The following SORCS3 variants were observed in gnomAD, a reference collection of about 807,000 sequenced individuals.
The protein encoded by SORCS3 is VPS10 domain-containing receptor SorCS3.
In SORCS3, 57 loss-of-function variants were observed where a neutral mutation model predicts 146.3. The observed-to-expected ratio is 0.39, with a 90% CI of 0.31 to 0.49. The LOEUF is 0.49. Among genes scored for constraint, SORCS3 ranks in the 20% least tolerant of loss-of-function variants. The probability of loss-of-function intolerance (pLI) is 0.92; values close to 1 mark genes in which losing one functional copy is unlikely to be tolerated. For missense variants in SORCS3, 1,341 were observed against 1,575.5 expected, an observed-to-expected ratio of 0.85 and a Z score of 2.52; for synonymous variants, 653 against 618.5, an observed-to-expected ratio of 1.06 and a Z score of -0.83.
At chr10:104,696,120 A>C (rs1490578300) in intron 1 of SORCS3, among the ~76,000 whole-genome samples, 3 of 117,886 alleles carry the variant, frequency 2.5e-5, no homozygotes, top group African/African-American at 1.0e-4. Context: ...TATTATATAT[A>C]ATATATATCA....
At chr10:105,221,216 T>A (rs2056700516) in intron 19 of SORCS3, among the ~76,000 whole-genome samples, 1 of 152,216 alleles carries the variant, frequency 6.6e-6, no homozygotes, top group Admixed American at 6.5e-5. Context: ...ATTTATCCTT[T>A]ACACATACAC....
At chr10:105,044,512 A>G (rs151163694) in intron 5 of SORCS3, among the ~76,000 whole-genome samples, 133 of 152,256 alleles carry the variant, frequency 8.7e-4, no homozygotes, top group African/African-American at 2.8e-3. Flanking sequence ...GCCTTACACA[A>G]CTTAGGGATG....
intron 14 of SORCS3, among the ~76,000 whole-genome samples, chr10:105,188,805 T>C (rs1435025674): frequency 2.0e-5 from 3 of 152,232 alleles, no homozygotes; most frequent in African/African-American, 7.2e-5. Flanking sequence ...AGGTTTGTAA[T>C]AATTTGCTCT....
At chr10:105,080,656 T>C (rs1381949172) in intron 5 of SORCS3, among the ~76,000 whole-genome samples, 2 of 151,726 alleles carry the variant, frequency 1.3e-5, no homozygotes, top group South Asian at 4.2e-4. Context: ...TCTTCCAGGA[T>C]TTTTTTTTAT....
At chr10:104,706,978 T>C (rs767912446) in intron 1 of SORCS3, among the ~76,000 whole-genome samples, 2 of 152,098 alleles carry the variant, frequency 1.3e-5, no homozygotes, top group Non-Finnish European at 2.9e-5. Context: ...GACTAAAGTT[T>C]TTCATATGTG....
At chr10:105,155,147 A>C (rs532824491) in intron 9 of SORCS3, among the ~76,000 whole-genome samples, 72 of 152,294 alleles carry the variant, frequency 4.7e-4, no homozygotes, top group African/African-American at 1.6e-3. Flanking sequence ...ACACACAGAA[A>C]ATGCCCGTCC....
rs1435897237 is a variant in SORCS3 at position 105,157,204 on chromosome 10, A to T, written c.1549A>T (p.Thr517Ser). 2 of 1,613,936 alleles carry T rather than the reference A, an allele frequency of 1.2e-6. No individual in the cohort carries two copies. The highest frequency in any genetic ancestry group is 4.5e-5 in the East Asian group (2 of 44,870). ...KVDDQVKTYI[T>S]YNKGRDWRLL... ...GGACGACCAGGTGAAGACATACATC[A>T]CTTACAACAAAGGCAGGGATTGGCG... Residue 517 changes from threonine (T) to serine (S), a missense_variant, in exon 10 of 27, where the codon ACT becomes TCT. Coordinates refer to ENST00000369701, the MANE Select transcript of SORCS3 (RefSeq NM_014978.3).
At chr10:105,221,994 C>G (rs2056705531) in intron 19 of SORCS3, among the ~76,000 whole-genome samples, 2 of 147,590 alleles carry the variant, frequency 1.4e-5, no homozygotes, top group South Asian at 4.3e-4. Context: ...AAAAATCTTG[C>G]AGTGTTAAAA....
intron 9 of SORCS3, among the ~76,000 whole-genome samples, chr10:105,148,704 C>T (rs1396696158): frequency 1.3e-5 from 2 of 151,966 alleles, no homozygotes; most frequent in Non-Finnish European, 2.9e-5. Context: ...TGAGCTGTTC[C>T]CTTGTGGGTT....
At chr10:104,969,663 G>A (rs1397408577) in intron 3 of SORCS3, among the ~76,000 whole-genome samples, 1 of 152,078 alleles carries the variant, frequency 6.6e-6, no homozygotes, top group African/African-American at 2.4e-5. Flanking sequence ...TAATAAAAAT[G>A]TACTCTCACC....
At chr10:104,743,523 C>A (rs1424116160) in intron 1 of SORCS3, among the ~76,000 whole-genome samples, 1 of 152,144 alleles carries the variant, frequency 6.6e-6, no homozygotes, top group African/African-American at 2.4e-5. Context: ...TAGTAGAAGG[C>A]AGTGGGGGAG....
chr10:104,693,579 AGAGCT>A (rs1309685230), intron 1 of SORCS3, among the ~76,000 whole-genome samples: 1 of 152,194 alleles, frequency 6.6e-6, no homozygotes, highest in Non-Finnish European at 1.5e-5. Flanking sequence ...GTAATAACCC[AGAGCT>A]GACTCCATAC....
At chr10:104,684,617 G>A (rs2016019761) in intron 1 of SORCS3, among the ~76,000 whole-genome samples, 1 of 152,012 alleles carries the variant, frequency 6.6e-6, no homozygotes, top group African/African-American at 2.4e-5. Flanking sequence ...GGCCACTCGT[G>A]GGATCTGTGG....
At chr10:104,881,191 G>A (rs974582034) in intron 2 of SORCS3, among the ~76,000 whole-genome samples, 2 of 152,204 alleles carry the variant, frequency 1.3e-5, no homozygotes, top group African/African-American at 4.8e-5. Flanking sequence ...CAGAGGTTTA[G>A]CAGCTGTCTG....
At chr10:105,134,058 TAA>T (rs1258696471) in intron 7 of SORCS3, among the ~76,000 whole-genome samples, 2 of 152,206 alleles carry the variant, frequency 1.3e-5, no homozygotes, top group African/African-American at 4.8e-5. Context: ...CAGAGATTTT[TAA>T]AAAGTTTTTC....
intron 13 of SORCS3, among the ~76,000 whole-genome samples, chr10:105,167,898 G>A (rs1225651725): frequency 6.6e-6 from 1 of 152,114 alleles, no homozygotes; most frequent in African/African-American, 2.4e-5. Flanking sequence ...GGAGAAACCA[G>A]GGACTCCTAT....
chr10:104,946,579 C>T (rs903450404), intron 3 of SORCS3, among the ~76,000 whole-genome samples: 1 of 152,182 alleles, frequency 6.6e-6, no homozygotes, highest in Non-Finnish European at 1.5e-5. Flanking sequence ...CCATCTCCTG[C>T]TTTGACATGA....
chr10:105,021,921 T>C (rs2055200457), intron 4 of SORCS3, among the ~76,000 whole-genome samples: 1 of 152,218 alleles, frequency 6.6e-6, no homozygotes, highest in South Asian at 2.1e-4. Context: ...TTAAAATGCG[T>C]ATTGCTAAGT....
intron 1 of SORCS3, among the ~76,000 whole-genome samples, chr10:104,772,019 G>T (rs927052751): frequency 2.0e-5 from 3 of 152,148 alleles, no homozygotes; most frequent in African/African-American, 4.8e-5. Flanking sequence ...CTGGGTGCAG[G>T]GAGGGGCCAA....
Sources: gnomAD v4.1 joint callset for allele counts (sites outside exome capture counted in the v4.1 genomes callset) on GRCh38, gnomAD v4.1.1 for gene constraint, MANE v1.5 for transcripts, NCBI Gene and HGNC (gene_info 2026-07-23, HGNC 2026-07-21) for gene names.